CEP112: variants seen among roughly 807,000 people sequenced by gnomAD.
CEP112 encodes the protein centrosomal protein 112.
In CEP112, 127 loss-of-function variants were observed where a neutral mutation model predicts 153.0. That is an observed-to-expected ratio of 0.83 (90% CI 0.72 to 0.96). The LOEUF (loss-of-function observed/expected upper bound fraction) is 0.96. CEP112 is among the 40% of genes least tolerant of loss of function. The pLI, the probability that CEP112 is intolerant of heterozygous loss-of-function variation, is 0.00. For synonymous variants in CEP112, 358 were observed against 374.4 expected, an observed-to-expected ratio of 0.96 and a Z score of 0.51; for missense variants, 1,089 against 1,101.2, an observed-to-expected ratio of 0.99 and a Z score of 0.16.
At chr17:65,989,540 G>A (rs2063522530) in intron 17 of CEP112, among the ~76,000 whole-genome samples, 1 of 151,316 alleles carries the variant, frequency 6.6e-6, no homozygotes, top group African/African-American at 2.4e-5. Context: ...AATATGAAGG[G>A]GAAATAAAGT....
At chr17:65,684,482 T>A (rs894086422) in intron 24 of CEP112, among the ~76,000 whole-genome samples, 37 of 152,224 alleles carry the variant, frequency 2.4e-4, no homozygotes, top group Non-Finnish European at 2.9e-4. Context: ...TTTTGGTGTC[T>A]TTGTTATAAA....
At chr17:65,974,744 G>T (rs2062969077) in intron 17 of CEP112, among the ~76,000 whole-genome samples, 1 of 152,152 alleles carries the variant, frequency 6.6e-6, no homozygotes, top group African/African-American at 2.4e-5. Flanking sequence ...TAAGGAGGAA[G>T]AGAAAACAAT....
chr17:66,012,660 A>T (rs1048760181), intron 16 of CEP112, among the ~76,000 whole-genome samples: 3 of 151,762 alleles, frequency 2.0e-5, no homozygotes, highest in Non-Finnish European at 2.9e-5. Context: ...TGTCTTTAAT[A>T]TTTTTTTTAT....
intron 19 of CEP112, among the ~76,000 whole-genome samples, chr17:65,926,713 AAATAAT>A (rs369745977): frequency 2.0e-4 from 30 of 150,436 alleles, no homozygotes; most frequent in East Asian, 5.8e-4. Context: ...ACTCCTTCTC[AAATAAT>A]AATAATAATA....
At chr17:65,646,547 A>C (rs2045441296) in intron 24 of CEP112, among the ~76,000 whole-genome samples, 1 of 152,222 alleles carries the variant, frequency 6.6e-6, no homozygotes, top group Non-Finnish European at 1.5e-5. Context: ...TCTGTGTGCC[A>C]GGTGTGACTC....
At chr17:65,662,435 T>G (rs1364902498) in intron 24 of CEP112, among the ~76,000 whole-genome samples, 2 of 152,322 alleles carry the variant, frequency 1.3e-5, no homozygotes, top group Non-Finnish European at 2.9e-5. Context: ...CTCTGTGCAT[T>G]CTTTATAAAA....
chr17:65,739,960 G>A (rs1454225516), intron 23 of CEP112, among the ~76,000 whole-genome samples: 7 of 151,942 alleles, frequency 4.6e-5, no homozygotes, highest in Non-Finnish European at 1.0e-4. Flanking sequence ...GCTTCTCTGT[G>A]CAAAAGTGCT....
intron 23 of CEP112, among the ~76,000 whole-genome samples, chr17:65,704,378 C>T (rs1351348037): frequency 6.6e-6 from 1 of 151,288 alleles, no homozygotes; most frequent in Non-Finnish European, 1.5e-5. Context: ...TGGGAAGAAA[C>T]GTCCCTTGTT....
At chr17:65,705,953 G>C (rs1283897674) in intron 23 of CEP112, among the ~76,000 whole-genome samples, 1 of 152,140 alleles carries the variant, frequency 6.6e-6, no homozygotes, top group African/African-American at 2.4e-5. Flanking sequence ...GAAATACACA[G>C]TGTAAAACGA....
At chr17:65,675,219 G>C (rs574107077) in intron 24 of CEP112, among the ~76,000 whole-genome samples, 2 of 152,228 alleles carry the variant, frequency 1.3e-5, no homozygotes, top group African/African-American at 4.8e-5. Context: ...TTAGACAGAA[G>C]TAAAAGTAGA....
intron 12 of CEP112, among the ~76,000 whole-genome samples, chr17:66,048,897 C>G (rs2066325385): frequency 1.3e-5 from 2 of 152,130 alleles, no homozygotes; most frequent in Admixed American, 1.3e-4. Context: ...GGGAGAGCCA[C>G]CACGCCAGGC....
intron 25 of CEP112, among the ~76,000 whole-genome samples, chr17:65,640,154 A>ATATATATATATATATATTT (rs1300751452): frequency 3.6e-4 from 28 of 78,334 alleles, no homozygotes; most frequent in African/African-American, 1.8e-3. Flanking sequence ...ATATATATAT[A>ATATATATATATATATATTT]TTTTTTTTTT....
At chr17:65,654,678 T>A (rs2045967100) in intron 24 of CEP112, among the ~76,000 whole-genome samples, 1 of 152,232 alleles carries the variant, frequency 6.6e-6, no homozygotes, top group African/African-American at 2.4e-5. Context: ...TTAGGTGCTC[T>A]AAATCCAGCT....
At chr17:66,014,901 G>A (rs2064706403) in intron 16 of CEP112, among the ~76,000 whole-genome samples, 1 of 152,144 alleles carries the variant, frequency 6.6e-6, no homozygotes, top group Non-Finnish European at 1.5e-5. Flanking sequence ...CATCTAGTCA[G>A]CCATCATTTC....
intron 2 of CEP112, among the ~76,000 whole-genome samples, chr17:66,182,956 A>C (rs967714597): frequency 3.3e-5 from 5 of 152,186 alleles, no homozygotes; most frequent in African/African-American, 1.2e-4. Flanking sequence ...CATGTGCTAT[A>C]AGTTCATGAC....
At chr17:66,048,290 A>G (rs2066298007) in intron 12 of CEP112, among the ~76,000 whole-genome samples, 1 of 152,154 alleles carries the variant, frequency 6.6e-6, no homozygotes, top group African/African-American at 2.4e-5. Context: ...TGTAATAGAG[A>G]TGACAGTATA....
chr17:65,799,819 C>G lies in CEP112; in HGVS notation c.2395-49095G>C, dbSNP rs1193688027. Among the ~76,000 whole-genome samples the G allele has an allele frequency of 5.3e-5, 8 of 152,232 alleles. No individual in the cohort carries two copies. In the East Asian group the frequency reaches 1.5e-3, roughly 29 times the overall value. On this transcript the variant is annotated intron_variant, in intron 21 of 26. Transcript: ENST00000535342. Reference sequence around the variant, plus strand: ...CTTTCTACCCTTCTACCATTGCTCACACACACACTGGCACCCACACACTGT... The same window carrying G: ...CTTTCTACCCTTCTACCATTGCTCAGACACACACTGGCACCCACACACTGT...
intron 20 of CEP112, among the ~76,000 whole-genome samples, chr17:65,879,549 C>CA (rs2058977894): frequency 6.6e-6 from 1 of 151,992 alleles, no homozygotes; most frequent in Non-Finnish European, 1.5e-5. Flanking sequence ...AAATGTGACT[C>CA]AAAAGCAAGA....
intron 17 of CEP112, among the ~76,000 whole-genome samples, chr17:65,984,941 TCC>T (rs2063349601): frequency 6.6e-6 from 1 of 152,196 alleles, no homozygotes; most frequent in Non-Finnish European, 1.5e-5. Context: ...GAAGAAAATG[TCC>T]TGAGGAAGAA....
Sources: gnomAD v4.1 joint callset for allele counts (sites outside exome capture counted in the v4.1 genomes callset) on GRCh38, gnomAD v4.1.1 for gene constraint, MANE v1.5 for transcripts, NCBI Gene and HGNC (gene_info 2026-07-23, HGNC 2026-07-21) for gene names.